Variants in GPR158 observed in about 807,000 individuals in gnomAD.
The protein encoded by GPR158 is G protein-coupled receptor 158, also known as metabotropic glycine receptor.
Under a neutral mutation model 78.2 loss-of-function variants are expected in GPR158, and 30 were observed. The observed-to-expected ratio is 0.38, with a 90% confidence interval of 0.29 to 0.52. GPR158 has a LOEUF of 0.52. Ranked by LOEUF, GPR158 falls within the 20% of genes least tolerant of loss-of-function variation. The pLI, the probability that GPR158 is intolerant of heterozygous loss-of-function variation, is 0.83. For missense variants in GPR158, 1,463 were observed against 1,523.5 expected (o/e 0.96, Z 0.66); for synonymous variants, 581 against 591.1 (o/e 0.98, Z 0.25).
At chr10:25,459,505 A>T (rs965602221) in intron 4 of GPR158, among the ~76,000 whole-genome samples, 1 of 152,216 alleles carries the variant, frequency 6.6e-6, no homozygotes, top group African/African-American at 2.4e-5. Flanking sequence ...TGACCAAAAA[A>T]ATAGCTGCCT....
chr10:25,402,129 G>A (rs1018864424), intron 3 of GPR158, among the ~76,000 whole-genome samples: 3 of 152,072 alleles, frequency 2.0e-5, no homozygotes, highest in African/African-American at 7.2e-5. Context: ...CTCCTGGTAT[G>A]TTACACTGAG....
intron 4 of GPR158, 35 bp from the exon 5 acceptor site, chr10:25,466,615 TA>T: frequency 7.1e-7 from 1 of 1,417,584 alleles, no homozygotes; most frequent in South Asian, 1.2e-5. Flanking sequence ...CTTAGAAATG[TA>T]AGTTAGTAAT....
At chr10:25,212,625 A>C in intron 1 of GPR158, among the ~76,000 whole-genome samples, 1 of 114,482 alleles carries the variant, frequency 8.7e-6, no homozygotes, top group African/African-American at 3.6e-5. Flanking sequence ...GAGAATTTAT[A>C]GCTTTTTTTT....
intron 4 of GPR158, chr10:25,466,263 C>G (rs1445237466): frequency 6.1e-6 from 1 of 163,160 alleles, no homozygotes; most frequent in East Asian, 1.7e-4. Flanking sequence ...ACCCTCGCCG[C>G]TGTGGTCCAC....
At chr10:25,438,776 A>G (rs1226107096) in intron 4 of GPR158, among the ~76,000 whole-genome samples, 2 of 152,220 alleles carry the variant, frequency 1.3e-5, no homozygotes, top group African/African-American at 4.8e-5. Flanking sequence ...TATTGTTATA[A>G]CTAGGCCAAT....
intron 2 of GPR158, among the ~76,000 whole-genome samples, chr10:25,236,774 C>CA (rs1223059239): frequency 2.6e-5 from 4 of 152,136 alleles, no homozygotes; most frequent in Non-Finnish European, 4.4e-5. Flanking sequence ...CACTGTAGTA[C>CA]ATTGTACATG....
chr10:25,391,928 G>A (rs1433968654), intron 2 of GPR158, among the ~76,000 whole-genome samples: 1 of 152,000 alleles, frequency 6.6e-6, no homozygotes, highest in Non-Finnish European at 1.5e-5. Context: ...ATGGGGGTGA[G>A]TTTTTCCCAT....
intron 5 of GPR158, among the ~76,000 whole-genome samples, chr10:25,512,413 C>T (rs1305413585): frequency 1.3e-5 from 2 of 152,144 alleles, no homozygotes; most frequent in East Asian, 3.8e-4. Flanking sequence ...ATTAATTTAA[C>T]AGTTCGAGGA....
At chr10:25,414,817 C>A (rs1834637814) in intron 4 of GPR158, among the ~76,000 whole-genome samples, 1 of 152,084 alleles carries the variant, frequency 6.6e-6, no homozygotes, top group African/African-American at 2.4e-5. Flanking sequence ...TATCAATTTA[C>A]ATGTATTTTG....
intron 6 of GPR158, among the ~76,000 whole-genome samples, chr10:25,569,733 G>A (rs1836979582): frequency 3.3e-5 from 5 of 151,954 alleles, no homozygotes. Context: ...ATCCCCCAAA[G>A]CCCAGATCAA....
intron 2 of GPR158, among the ~76,000 whole-genome samples, chr10:25,255,461 G>A (rs1853877836): frequency 6.6e-6 from 1 of 152,212 alleles, no homozygotes; most frequent in Non-Finnish European, 1.5e-5. Context: ...CCTCTGCTCA[G>A]GGTCTCTCTA....
At chr10:25,363,405 T>C (rs1428260004) in intron 2 of GPR158, among the ~76,000 whole-genome samples, 1 of 151,964 alleles carries the variant, frequency 6.6e-6, no homozygotes, top group East Asian at 1.9e-4. Context: ...TGCCACTTGT[T>C]AGATGTGTGA....
chr10:25,499,202 T>A (rs1401041511), intron 5 of GPR158, among the ~76,000 whole-genome samples: 1 of 122,248 alleles, frequency 8.2e-6, no homozygotes, highest in Non-Finnish European at 1.7e-5. Context: ...AACAGAATTA[T>A]AATTCACAAA....
intron 5 of GPR158, among the ~76,000 whole-genome samples, chr10:25,490,337 A>C (rs888800849): frequency 6.7e-6 from 1 of 148,648 alleles, no homozygotes; most frequent in Non-Finnish European, 1.5e-5. Context: ...ACATGTGCAC[A>C]TTGTGCAGGT....
At chr10:25,213,703 G>A (rs969352079) in intron 1 of GPR158, among the ~76,000 whole-genome samples, 3 of 151,920 alleles carry the variant, frequency 2.0e-5, no homozygotes, top group Non-Finnish European at 4.4e-5. Context: ...GGTAGAATTC[G>A]TATATAAAGC....
At chr10:25,392,132 C>A (rs547576050) in intron 2 of GPR158, among the ~76,000 whole-genome samples, 1 of 152,194 alleles carries the variant, frequency 6.6e-6, no homozygotes, top group South Asian at 2.1e-4. Context: ...TTGTAAATTA[C>A]CCAGTCTTGG....
Position 25,388,060 on chromosome 10 carries a change from T to C in GPR158, c.1009-7851T>C, listed in dbSNP as rs533436977. Among the ~76,000 whole-genome samples, 247 of 152,342 alleles carry C rather than the reference T, an allele frequency of 1.6e-3. 2 individuals are homozygous for C. The Middle Eastern group carries it at 0.051, about 31-fold the overall frequency. ...CTAAACTCTTGACCACCATATCTTATGCAATTGGATCTGGTCTGCTCCTAG... is the reference window on the plus strand; with the variant it reads ...CTAAACTCTTGACCACCATATCTTACGCAATTGGATCTGGTCTGCTCCTAG... On this transcript the variant is annotated intron_variant, in intron 2 of 10. Coordinates refer to ENST00000376351, the MANE Select transcript of GPR158 (RefSeq NM_020752.3).
chr10:25,393,278 A>AT, intron 2 of GPR158, among the ~76,000 whole-genome samples: 1 of 152,324 alleles, frequency 6.6e-6, no homozygotes, highest in African/African-American at 2.4e-5. Flanking sequence ...GAGTCATATC[A>AT]TCATGAAATC....
chr10:25,560,846 AT>A (rs1836850613), intron 6 of GPR158, among the ~76,000 whole-genome samples: 1 of 152,154 alleles, frequency 6.6e-6, no homozygotes, highest in South Asian at 2.1e-4. Context: ...AAATGGAAAC[AT>A]TTTCGCTATT....
Sources: allele counts gnomAD v4.1 joint callset (sites outside exome capture counted in the v4.1 genomes callset), GRCh38; gene constraint gnomAD v4.1.1; transcripts MANE v1.5; gene names NCBI Gene and HGNC (gene_info 2026-07-23, HGNC 2026-07-21).